The following SH3BP2 variants were observed in gnomAD, a reference collection of about 807,000 sequenced individuals.
SH3BP2 encodes SH3 domain binding protein 2, also known as SH3 domain-binding protein 2.
In SH3BP2, 38 loss-of-function variants were observed where a neutral mutation model predicts 56.2. The ratio of observed to expected loss-of-function variants is 0.68; its 90% confidence interval spans 0.52 to 0.89. SH3BP2 has a LOEUF of 0.89. SH3BP2 is among the 40% of genes least tolerant of loss of function. The pLI, the probability that SH3BP2 is intolerant of heterozygous loss-of-function variation, is 0.00. For missense variants in SH3BP2, 748 were observed against 762.6 expected, an observed-to-expected ratio of 0.98 and a Z score of 0.23; for synonymous variants, 346 against 316.7, an observed-to-expected ratio of 1.09 and a Z score of -0.98.
intron 10 of SH3BP2, 25 bp from the exon 11 acceptor site, chr4:2,832,306 C>G (rs370184285): frequency 1.3e-6 from 2 of 1,595,770 alleles, no homozygotes; most frequent in South Asian, 1.1e-5. Flanking sequence ...AGGACTCACC[C>G]GCTAATATGA....
intron 1 of SH3BP2, chr4:2,798,862 C>T: frequency 6.7e-6 from 4 of 596,212 alleles, no homozygotes; most frequent in Non-Finnish European, 8.4e-6. Flanking sequence ...GCCGTGTGAC[C>T]TGGGCATCCT....
intron 5 of SH3BP2, among the ~76,000 whole-genome samples, chr4:2,825,685 C>T (rs1244310610): frequency 1.3e-5 from 2 of 152,234 alleles, no homozygotes; most frequent in Admixed American, 1.3e-4. Context: ...TCTGTGTTGC[C>T]GCCATGGGTA....
intron 1 of SH3BP2, chr4:2,818,088 G>C: frequency 2.4e-6 from 1 of 418,198 alleles, no homozygotes; most frequent in Non-Finnish European, 3.2e-6. Flanking sequence ...GGCCCGCAGG[G>C]GGCTCACGTG....
chr4:2,834,008 C>G lies in SH3BP2; in HGVS notation c.*174C>G. On this transcript the variant is annotated 3_prime_UTR_variant, in exon 13 of 13. Coordinates refer to ENST00000503393, the MANE Select transcript of SH3BP2 (RefSeq NM_001122681.2). ...CCAGTCTCATCCAGCAGGTTGGGTT[C>G]TAGGGCTGAACCAGGCGCCAGGCTC... 1 of 780,588 alleles carries G rather than the reference C, an allele frequency of 1.3e-6. No individual in the cohort carries two copies. The highest frequency in any genetic ancestry group is 2.9e-5 in the Admixed American group (1 of 34,696). The allele number at this position is 780,588 out of a possible 1,614,324, so 48.4% of individuals were successfully genotyped here.
At position 2,830,075 on chromosome 4, in the gene SH3BP2, T is replaced by C. The variant is rs568178509; in HGVS notation, c.1169T>C (p.Leu390Pro). 2 of 1,610,554 alleles carry C rather than the reference T, an allele frequency of 1.2e-6. No individual in the cohort carries two copies. The highest frequency in any genetic ancestry group is 3.3e-5 in the Admixed American group (2 of 59,978). The change falls in exon 8 of 13, where the codon CTG becomes CCG. Residue 390 changes from leucine to proline, a missense_variant. Physicochemically the swap from Leu to Pro is moderately conservative, Grantham distance 98. This residue lies in a region of SH3BP2 where 635 missense variants were observed against 615.0 expected (regional missense o/e 1.03). Coordinates refer to ENST00000503393, the MANE Select transcript of SH3BP2 (RefSeq NM_001122681.2). Reference protein sequence around the residue: ...PVAPRPPALKLPVPEAMARPA... With the variant: ...PVAPRPPALKPPVPEAMARPA... The stretch of plus-strand genomic sequence containing the variant: ...GCTCCCCGGCCTCCTGCGCTGAAGC[T>C]GCCAGTGCCTGAGGCCATGGCGCGG...
chr4:2,803,711 C>T (rs573440066), intron 1 of SH3BP2, among the ~76,000 whole-genome samples: 2 of 152,224 alleles, frequency 1.3e-5, no homozygotes, highest in East Asian at 3.9e-4. Flanking sequence ...AGGTGGGTGC[C>T]TTCTCTTACC....
Position 2,827,302 on chromosome 4 carries a change from C to T in SH3BP2, c.501C>T (p.Tyr167=), listed in dbSNP as rs976794915. 1 of 1,614,124 alleles carries T rather than the reference C, an allele frequency of 6.2e-7. No individual in the cohort carries two copies. Among genetic ancestry groups the T allele is most frequent in the Non-Finnish European group, 8.5e-7 (1 of 1,179,946 alleles). ...CTGTGGATATCAGCCTTTCCCCGTA[C>T]CCCACGGACAATGAAGGTGAGGTCT... is the stretch of plus-strand genomic sequence containing the variant. ...ERPVDISLSP[Y]PTDNEDYEHD... is the part of the protein sequence containing the mutation. The change falls in exon 6 of 13, where the codon TAC becomes TAT. Residue 167 remains tyrosine (Y), a synonymous_variant. Coordinates refer to ENST00000503393, the MANE Select transcript of SH3BP2 (RefSeq NM_001122681.2).
intron 5 of SH3BP2, 23 bp from the exon 6 acceptor site, chr4:2,827,207 C>A (rs1233897751): frequency 6.8e-6 from 11 of 1,610,918 alleles, no homozygotes; most frequent in African/African-American, 4.0e-5. Flanking sequence ...TCACCGTCCG[C>A]CCCAACGCAC....
chr4:2,818,420 C>G, intron 1 of SH3BP2: 1 of 1,138,402 alleles, frequency 8.8e-7, no homozygotes, highest in South Asian at 4.3e-5. Context: ...CCCCGAGCCC[C>G]GGGACCCGGG....
At chr4:2,802,996 T>C (rs2108703068) in intron 1 of SH3BP2, among the ~76,000 whole-genome samples, 1 of 152,332 alleles carries the variant, frequency 6.6e-6, no homozygotes, top group South Asian at 2.1e-4. Context: ...CTTGTCCAGA[T>C]AAAACGCCGT....
At chr4:2,800,121 C>A (rs1849683) in intron 1 of SH3BP2, among the ~76,000 whole-genome samples, 2 of 151,788 alleles carry the variant, frequency 1.3e-5, no homozygotes, top group African/African-American at 4.8e-5. Context: ...GAGGAGGTGA[C>A]GTGACCAGGA....
At chr4:2,794,837 C>T (rs925444853) in intron 1 of SH3BP2, among the ~76,000 whole-genome samples, 1 of 152,188 alleles carries the variant, frequency 6.6e-6, no homozygotes, top group South Asian at 2.1e-4. Flanking sequence ...CTCCCCACCC[C>T]CCAGGGATGC....
chr4:2,828,326 G>A (rs1393678549), intron 7 of SH3BP2, among the ~76,000 whole-genome samples: 1 of 151,964 alleles, frequency 6.6e-6, no homozygotes, highest in Admixed American at 6.5e-5. Flanking sequence ...CCAGCCTCCT[G>A]TTCTCACTGA....
intron 11 of SH3BP2, 117 bp downstream of exon 11, chr4:2,832,529 G>A: frequency 2.5e-6 from 2 of 803,300 alleles, no homozygotes; most frequent in Non-Finnish European, 4.4e-6. Flanking sequence ...CTTACTTGGT[G>A]TCTCAGCTGA....
Position 2,836,438 on chromosome 4 carries a change from C to T in SH3BP2, c.*2604C>T, listed in dbSNP as rs922502725. The T allele has an allele frequency of 2.0e-5, 3 of 152,370 alleles. No individual in the cohort carries two copies. The highest frequency in any genetic ancestry group is 2.1e-4 in the South Asian group (1 of 4,830). 9.4% of individuals were successfully genotyped at this position (152,370 alleles called of 1,614,324 possible). ...CGAGCTGGGTGCTTGACATCATTTG[C>T]TTGGAGAAGCAGCTGCTAGTAGACC... On this transcript the variant is annotated 3_prime_UTR_variant, in exon 13 of 13. Transcript: ENST00000503393.
At chr4:2,826,865 CTGTG>C (rs1314737344) in intron 5 of SH3BP2, 1 of 476,352 alleles carries the variant, frequency 2.1e-6, no homozygotes, top group East Asian at 5.8e-5. Context: ...GTCCTTGTGT[CTGTG>C]TGTCTACATG....
rs945589783 is a variant in SH3BP2 at position 2,810,297 on chromosome 4, C to T, written c.-4-10317C>T. 6.6e-6 allele frequency among the ~76,000 whole-genome samples: 1 copy of T among 151,700 alleles called. No homozygotes were observed. Among genetic ancestry groups the T allele is most frequent in the Non-Finnish European group, 1.5e-5 (1 of 67,908 alleles). On this transcript the variant is annotated intron_variant, in intron 1 of 12. Coordinates refer to ENST00000503393, the MANE Select transcript of SH3BP2 (RefSeq NM_001122681.2). The surrounding 1 kb of genome is among the most constrained non-coding windows in gnomAD (Gnocchi z 4.2). ...CCAGGGTCCCCTCACCTGGCCTGCTCCTCTCCTCTGGGCTGGACTCCCCCT... is the reference window on the plus strand; with the variant it reads ...CCAGGGTCCCCTCACCTGGCCTGCTTCTCTCCTCTGGGCTGGACTCCCCCT...
At chr4:2,832,817 G>A (rs1162467974) in intron 11 of SH3BP2, among the ~76,000 whole-genome samples, 173 bp from the exon 12 acceptor site, 2 of 152,204 alleles carry the variant, frequency 1.3e-5, no homozygotes, top group African/African-American at 2.4e-5. Flanking sequence ...TCTGAGGGCT[G>A]CCAGTGTCGC....
chr4:2,799,125 T>G, intron 1 of SH3BP2: 2 of 985,624 alleles, frequency 2.0e-6, no homozygotes, highest in Non-Finnish European at 2.4e-6. Flanking sequence ...CCTCAGGACT[T>G]CGTTCCTGCT....
Sources: allele counts gnomAD v4.1 joint callset (sites outside exome capture counted in the v4.1 genomes callset), GRCh38; gene constraint gnomAD v4.1.1; regional missense constraint gnomAD v4.1.1; non-coding constraint Gnocchi (gnomAD v3.1); transcripts MANE v1.5; gene names NCBI Gene and HGNC (gene_info 2026-07-23, HGNC 2026-07-21).